The following MCMBP variants were observed in gnomAD, a reference collection of about 807,000 sequenced individuals.
MCMBP encodes the protein minichromosome maintenance complex binding protein.
In MCMBP, 31 loss-of-function variants were observed where a neutral mutation model predicts 81.3. That is an observed-to-expected ratio of 0.38 (90% confidence interval 0.29 to 0.51). MCMBP has a LOEUF of 0.51. Ranked by LOEUF, MCMBP falls within the 20% of genes least tolerant of loss-of-function variation. MCMBP has a pLI of 0.87. For synonymous variants in MCMBP, 267 were observed against 275.9 expected, an observed-to-expected ratio of 0.97 and a Z score of 0.32; for missense variants, 645 against 772.1, an observed-to-expected ratio of 0.84 and a Z score of 1.95.
rs113050425 is a variant in MCMBP, at chr10:119,868,699, T to G, written c.58+3828A>C. Among the ~76,000 whole-genome samples, 259 of 152,234 alleles carry G rather than the reference T, an allele frequency of 1.7e-3. 3 individuals carry two copies. The highest frequency in any genetic ancestry group is 5.9e-3 in the African/African-American group (245 of 41,528). ...TTACACACTATTTTTCAAAGACATA[T>G]ATAATAGGATCCTGCAGTAACATGG... On this transcript the variant is annotated intron_variant, in intron 1 of 15. Transcript: ENST00000369077.
At position 119,843,267 on chromosome 10, in the gene MCMBP, C is replaced by G. The variant is rs1176224667; in HGVS notation, c.987G>C (p.Glu329Asp). The change falls in exon 9 of 16, where the codon GAG (glutamate) becomes GAC (aspartate). Residue 329 changes from glutamate to aspartate, a missense_variant. Coordinates refer to ENST00000369077, the MANE Select transcript of MCMBP (RefSeq NM_001256378.2). Reference sequence around the variant, plus strand: ...ACTTACACTTACAGGTTTTGCTCTCCTCTTTGTTAAGGCAGGCAGGCAATA... The same window carrying G: ...ACTTACACTTACAGGTTTTGCTCTCGTCTTTGTTAAGGCAGGCAGGCAATA... The part of the protein sequence containing the change: ...NPLLPACLNK[E>D]ESKTFVSSFM... The G allele has an allele frequency of 6.2e-7, 1 of 1,613,528 alleles. No individual in the cohort carries two copies. Among genetic ancestry groups the G allele is most frequent in the Non-Finnish European group, 8.5e-7 (1 of 1,179,736 alleles).
In MCMBP at chr10:119,835,674, G is replaced by A. The variant is rs766115326; in HGVS notation, c.1573C>T (p.Leu525=). Residue 525 remains leucine, a synonymous_variant, in exon 14 of 16, where the codon CTA becomes TTA. Transcript: ENST00000369077. ...ADCQIHLQPQ[L]IPPNMEEYMN... ...TACTCCTCCATGTTTGGTGGAATTA[G>A]CTGGGGCTGTAAGTGAATCTGGCAG... 1 of 1,614,264 alleles carries A rather than the reference G, an allele frequency of 6.2e-7. No individual in the cohort carries two copies. The highest frequency in any genetic ancestry group is 1.1e-5 in the South Asian group (1 of 91,086).
Position 119,836,757 on chromosome 10 carries a change from GTTTTTTTTTTTTTTTTTTT to G in MCMBP, c.1542+120_1542+138del, listed in dbSNP as rs199759464. The G allele has an allele frequency of 4.3e-3, 1,278 of 296,556 alleles. 8 individuals are homozygous for G. The highest frequency in any genetic ancestry group is 9.9e-3 in the East Asian group (180 of 18,150). The allele number at this position is 296,556 out of a possible 1,614,324, so 18.4% of individuals were successfully genotyped here. The stretch of plus-strand genomic sequence containing the variant: ...ATTCCCTTAATGATCAGCAGTCACA[GTTTTTTTTTTTTTTTTTTT>G]TTTTTTTTTTTTTTTTTTACAACAA... On this transcript the variant is annotated intron_variant, in intron 13 of 15. Transcript: ENST00000369077.
chr10:119,844,707 A>G (rs1350949420), intron 8 of MCMBP, among the ~76,000 whole-genome samples: 1 of 152,220 alleles, frequency 6.6e-6, no homozygotes, highest in Non-Finnish European at 1.5e-5. Context: ...ACCCACCCTC[A>G]GTCTGGGTGG....
At chr10:119,853,446 C>A (rs1246549685) in intron 5 of MCMBP, among the ~76,000 whole-genome samples, 1 of 152,188 alleles carries the variant, frequency 6.6e-6, no homozygotes, top group Admixed American at 6.5e-5. Context: ...CACTGGACAA[C>A]AGGGAGCATA....
At chr10:119,838,264 A>G (rs1852317318) in intron 12 of MCMBP, among the ~76,000 whole-genome samples, 1 of 148,084 alleles carries the variant, frequency 6.8e-6, no homozygotes, top group African/African-American at 2.5e-5. Flanking sequence ...TAAATGAGAC[A>G]TTATATATTA....
chr10:119,850,565 C>T (rs907798913), intron 6 of MCMBP, among the ~76,000 whole-genome samples: 13 of 151,564 alleles, frequency 8.6e-5, no homozygotes, highest in Admixed American at 6.6e-5. Flanking sequence ...CTGGCTAACA[C>T]GGTGAAACCC....
rs112124761 is a variant in MCMBP, at chr10:119,871,330, T to G, written c.58+1197A>C. Among the ~76,000 whole-genome samples the G allele has an allele frequency of 2.8e-3, 426 of 151,918 alleles. 3 individuals carry two copies. The highest frequency in any genetic ancestry group is 9.8e-3 in the African/African-American group (404 of 41,228). ...GCCCCTTCCTCAAAGCACCCTTGAC[T>G]GCTATATAGTGAATTTTTTTTTTTT... On this transcript the variant is annotated intron_variant, in intron 1 of 15. Coordinates refer to ENST00000369077, the MANE Select transcript of MCMBP (RefSeq NM_001256378.2).
intron 1 of MCMBP, among the ~76,000 whole-genome samples, chr10:119,861,678 T>C (rs1046979558): frequency 1.2e-4 from 19 of 152,172 alleles, no homozygotes; most frequent in Admixed American, 6.5e-5. Flanking sequence ...ATAGTAAAGC[T>C]ACATCAAGCA....
chr10:119,845,447 C>T (rs891482927), intron 8 of MCMBP, among the ~76,000 whole-genome samples: 3 of 151,926 alleles, frequency 2.0e-5, no homozygotes, highest in African/African-American at 7.3e-5. Flanking sequence ...AGTATATATA[C>T]CATGTTACCT....
In MCMBP at chr10:119,848,368, T is replaced by C. The variant is rs183258967; in HGVS notation, c.727-655A>G. On this transcript the variant is annotated intron_variant, in intron 7 of 15. Coordinates refer to ENST00000369077, the MANE Select transcript of MCMBP (RefSeq NM_001256378.2). ...GGCTCACCCCTGGAATCCCAGAACT[T>C]TGGGAGGCTGAGGTGGGTGGGTCAC... 5.3e-4 allele frequency among the ~76,000 whole-genome samples: 80 copies of C among 152,130 alleles called. 1 individual carries two copies. The highest frequency in any genetic ancestry group is 4.6e-3 in the Admixed American group (71 of 15,278).
chr10:119,837,426 C>T (rs1852285197), intron 12 of MCMBP, among the ~76,000 whole-genome samples: 1 of 152,086 alleles, frequency 6.6e-6, no homozygotes, highest in African/African-American at 2.4e-5. Context: ...CCCAGTCTAC[C>T]TCATTTTTTC....
chr10:119,857,152 A>G (rs1853081553), intron 5 of MCMBP, among the ~76,000 whole-genome samples, 186 bp downstream of exon 5: 1 of 151,906 alleles, frequency 6.6e-6, no homozygotes, highest in African/African-American at 2.4e-5. Flanking sequence ...GTATTTCACT[A>G]TAGGAATGTA....
chr10:119,856,125 G>C (rs1335891466), intron 5 of MCMBP, among the ~76,000 whole-genome samples: 1 of 148,782 alleles, frequency 6.7e-6, no homozygotes, highest in Non-Finnish European at 1.5e-5. Flanking sequence ...GGGAGGCTGA[G>C]GCAGGAGAAT....
At position 119,840,824 on chromosome 10, in the gene MCMBP, A is replaced by G. The variant is rs570382011; in HGVS notation, c.1242+19T>C. 18 of 1,417,776 alleles carry G rather than the reference A, an allele frequency of 1.3e-5. No homozygotes were observed. The highest frequency in any genetic ancestry group is 1.8e-4 in the Middle Eastern group (1 of 5,508). The allele number at this position is 1,417,776 out of a possible 1,614,324, so 87.8% of individuals were successfully genotyped here. A position where few individuals can be genotyped will look rare whatever the true frequency, so the allele number is the denominator to read the frequency against. On this transcript the variant is annotated intron_variant, in intron 11 of 15. Coordinates refer to ENST00000369077, the MANE Select transcript of MCMBP (RefSeq NM_001256378.2). ...TTAAGTGTGCTTAGGTTTATAATAC[A>G]TATTTATATTCATCTTACTGCTGGA...
At chr10:119,836,650 A>G (rs1852250819) in intron 13 of MCMBP, among the ~76,000 whole-genome samples, 1 of 152,086 alleles carries the variant, frequency 6.6e-6, no homozygotes, top group African/African-American at 2.4e-5. Context: ...TCTGCTGCCA[A>G]CAGCCTTGCT....
At position 119,849,414 on chromosome 10, in the gene MCMBP, G is replaced by C. The variant is rs750460690; in HGVS notation, c.726+11C>G. 1.3e-6 allele frequency: 2 copies of C among 1,599,302 alleles called. No individual in the cohort carries two copies. The highest frequency in any genetic ancestry group is 1.7e-6 in the Non-Finnish European group (2 of 1,175,832). On this transcript the variant is annotated intron_variant, in intron 7 of 15. Transcript: ENST00000369077. Reference sequence around the variant, plus strand: ...ACATTTCAGTGTTGGATCTACGAAAGGTTTTATTACCTTCACAAGGCATGC... The same window carrying C: ...ACATTTCAGTGTTGGATCTACGAAACGTTTTATTACCTTCACAAGGCATGC...
chr10:119,845,568 T>TTTC (rs1213090725), intron 8 of MCMBP, among the ~76,000 whole-genome samples: 1 of 151,974 alleles, frequency 6.6e-6, no homozygotes, highest in African/African-American at 2.4e-5. Context: ...GGAGGCTGGG[T>TTTC]GGGAACAGAC....
chr10:119,850,867 A>G (rs556347632), intron 6 of MCMBP, among the ~76,000 whole-genome samples: 19 of 147,136 alleles, frequency 1.3e-4, no homozygotes, highest in South Asian at 7.6e-4. Context: ...AAAGGTATAC[A>G]AGATCTGTTT....
Sources: gnomAD v4.1 joint callset for allele counts (sites outside exome capture counted in the v4.1 genomes callset) on GRCh38, gnomAD v4.1.1 for gene constraint, MANE v1.5 for transcripts, NCBI Gene and HGNC (gene_info 2026-07-23, HGNC 2026-07-21) for gene names.